TEX2: variants seen among roughly 807,000 people sequenced by gnomAD.
TEX2 encodes the protein testis-expressed protein 2.
TEX2 carries 53 observed loss-of-function variants against 106.9 expected under a neutral mutation model. The observed-to-expected ratio is 0.50, with a 90% CI of 0.40 to 0.62. TEX2 has a LOEUF of 0.62. Ranked by LOEUF, TEX2 falls within the 20% of genes least tolerant of loss-of-function variation. The probability of loss-of-function intolerance (pLI) is 0.00; values close to 1 mark genes in which losing one functional copy is unlikely to be tolerated. For synonymous variants in TEX2, 523 were observed against 534.8 expected (o/e 0.98, Z 0.30); for missense variants, 1,207 against 1,379.0 (o/e 0.88, Z 1.98).
At chr17:64,196,571 G>A (rs533213938) in intron 2 of TEX2, among the ~76,000 whole-genome samples, 1 of 152,264 alleles carries the variant, frequency 6.6e-6, no homozygotes, top group South Asian at 2.1e-4. Context: ...GGGAAGAGGC[G>A]TTTGTGAGGA....
rs1486274699 is a variant in TEX2 at position 64,173,882 on chromosome 17, G to A, written c.2572-2683C>T. Among the ~76,000 whole-genome samples the A allele has an allele frequency of 2.6e-5, 4 of 151,844 alleles. No individual in the cohort carries two copies. In the East Asian group the frequency reaches 7.7e-4, roughly 29 times the overall value. On this transcript the variant is annotated intron_variant, in intron 6 of 11. Transcript: ENST00000584379. ...TTTTTTTGAAACAGGATTTCGCTCTGTCACTCAGGCTGGAGTGCAGTGGTG... is the reference window on the plus strand; with the variant it reads ...TTTTTTTGAAACAGGATTTCGCTCTATCACTCAGGCTGGAGTGCAGTGGTG...
chr17:64,193,820 G>A lies in TEX2; in HGVS notation c.1915C>T (p.Leu639Phe). 1 of 1,602,912 alleles carries A rather than the reference G, an allele frequency of 6.2e-7. No individual in the cohort carries two copies. Among genetic ancestry groups the A allele is most frequent in the Non-Finnish European group, 8.5e-7 (1 of 1,172,726 alleles). Residue 639 changes from leucine (L) to phenylalanine (F), a missense_variant, in exon 4 of 12, where the codon CTT (leucine) becomes TTT (phenylalanine). Physicochemically the swap from Leu to Phe is conservative, Grantham distance 22. Coordinates refer to ENST00000584379, the MANE Select transcript of TEX2 (RefSeq NM_001288732.2). ...WNKKYPICIE[L>F]GQQDDFMSKA... ...GACATAAAGTCATCTTGCTGACCAA[G>A]CTCGATACAAATGGGGTACTTTTTA...
intron 5 of TEX2, among the ~76,000 whole-genome samples, chr17:64,184,908 G>A (rs1260614098): frequency 1.3e-5 from 2 of 152,066 alleles, no homozygotes; most frequent in Non-Finnish European, 2.9e-5. Context: ...TTTTTAAATT[G>A]GATATATAGC....
In TEX2 at chr17:64,188,065, A is replaced by T. The variant is rs563150024; in HGVS notation, c.2424+103T>A. The stretch of plus-strand genomic sequence containing the variant: ...AGGGTCCTTCTCTGTCTTGTGTACC[A>T]CTGTTATCCCAGTGCCCACAACAGG... On this transcript the variant is annotated intron_variant, in intron 5 of 11. Coordinates refer to ENST00000584379, the MANE Select transcript of TEX2 (RefSeq NM_001288732.2). The T allele has an allele frequency of 1.3e-4, 172 of 1,346,372 alleles. 1 individual carries two copies. The Middle Eastern group carries it at 2.4e-3, about 19-fold the overall frequency. The allele number at this position is 1,346,372 out of a possible 1,614,324, so 83.4% of individuals were successfully genotyped here.
rs573773555 is a variant in TEX2 at position 64,240,406 on chromosome 17, C to T, written c.-26+22762G>A. Among the ~76,000 whole-genome samples, 6 of 152,250 alleles carry T rather than the reference C, an allele frequency of 3.9e-5. No individual in the cohort carries two copies. The South Asian group carries it at 1.2e-3, about 32-fold the overall frequency. On this transcript the variant is annotated intron_variant, in intron 1 of 11. Coordinates refer to ENST00000584379, the MANE Select transcript of TEX2 (RefSeq NM_001288732.2). ...ACTGGGCAAGGTGACTGAGGGGACA[C>T]TGAAGAGGAAGAGGGTGGAGGTGGA...
intron 7 of TEX2, among the ~76,000 whole-genome samples, chr17:64,165,372 C>A (rs1183575812): frequency 6.6e-6 from 1 of 152,220 alleles, no homozygotes; most frequent in African/African-American, 2.4e-5. Flanking sequence ...GGTTGACAAG[C>A]TGCAAATCAG....
At chr17:64,152,899 T>C (rs374323047) in intron 10 of TEX2, 46 bp downstream of exon 10, 156 of 1,568,716 alleles carry the variant, frequency 9.9e-5, no homozygotes, top group Non-Finnish European at 1.2e-4. Context: ...TCTGTGGCCA[T>C]GCAATAGGAG....
At chr17:64,218,567 C>T (rs1223644055) in intron 1 of TEX2, among the ~76,000 whole-genome samples, 2 of 151,986 alleles carry the variant, frequency 1.3e-5, no homozygotes, top group African/African-American at 2.4e-5. Flanking sequence ...TACAGACGCC[C>T]GCCACCACAC....
rs190710329 is a variant in TEX2, at chr17:64,175,655, T to C, written c.2571+1670A>G. ...AGGCTGGAGTTTGGTGGTGCGATCA[T>C]AGCTCAGAACTCCTGGGTTCAAGTC... is the stretch of plus-strand genomic sequence containing the variant. On this transcript the variant is annotated intron_variant, in intron 6 of 11. Coordinates refer to ENST00000584379, the MANE Select transcript of TEX2 (RefSeq NM_001288732.2). 6.6e-5 allele frequency among the ~76,000 whole-genome samples: 10 copies of C among 152,240 alleles called. No homozygotes were observed. In the East Asian group the frequency reaches 1.4e-3, roughly 21 times the overall value.
intron 11 of TEX2, chr17:64,150,571 C>T: frequency 4.5e-6 from 1 of 220,156 alleles, no homozygotes; most frequent in Non-Finnish European, 8.9e-6. Context: ...GGCAGGCTTG[C>T]TGGGAAAAGA....
At chr17:64,228,929 T>TGTACACACACAC (rs531528606) in intron 1 of TEX2, among the ~76,000 whole-genome samples, 12 of 146,648 alleles carry the variant, frequency 8.2e-5, no homozygotes, top group African/African-American at 2.5e-4. Context: ...GACTGACAGG[T>TGTACACACACAC]ACACACACAC....
At chr17:64,178,777 T>C (rs939895956) in intron 5 of TEX2, among the ~76,000 whole-genome samples, 3 of 152,236 alleles carry the variant, frequency 2.0e-5, no homozygotes, top group South Asian at 2.1e-4. Context: ...GCTGCAGCTA[T>C]AACACACACC....
chr17:64,200,104 TAA>T, intron 2 of TEX2, among the ~76,000 whole-genome samples: 1 of 152,354 alleles, frequency 6.6e-6, no homozygotes, highest in East Asian at 1.9e-4. Context: ...GAAATATTAA[TAA>T]GAGTATTCTA....
At chr17:64,212,490 A>G (rs2033032290) in intron 2 of TEX2, 84 bp downstream of exon 2, 1 of 1,325,592 alleles carries the variant, frequency 7.5e-7, no homozygotes, top group African/African-American at 1.5e-5. Context: ...AATCTTTAAC[A>G]GCTAACCAAA....
intron 1 of TEX2, among the ~76,000 whole-genome samples, chr17:64,259,766 T>C (rs2034255605): frequency 6.6e-6 from 1 of 152,214 alleles, no homozygotes; most frequent in African/African-American, 2.4e-5. Flanking sequence ...GTGATCTCAT[T>C]TAATTCTTAC....
At chr17:64,255,885 T>C (rs1367414367) in intron 1 of TEX2, 1 of 152,106 alleles carries the variant, frequency 6.6e-6, no homozygotes, top group South Asian at 2.1e-4. Flanking sequence ...TCTCCTCTTA[T>C]CAGGAAAAAA....
At chr17:64,186,464 C>T (rs181602437) in intron 5 of TEX2, among the ~76,000 whole-genome samples, 4 of 152,278 alleles carry the variant, frequency 2.6e-5, no homozygotes, top group South Asian at 4.1e-4. Context: ...AGAGGATCAA[C>T]GGATCAAGAG....
Position 64,154,885 on chromosome 17 carries a change from C to G in TEX2, c.2887G>C (p.Glu963Gln). Reference protein sequence around the residue: ...AGSSEEDDAPEPSGGDKQLLP... With the variant: ...AGSSEEDDAPQPSGGDKQLLP... ...AGCTGTTTGTCTCCCCCGCTGGGCT[C>G]TGGGGCATCGTCTTCCTCGGAGGAG... Residue 963 changes from glutamate (E) to glutamine (Q), a missense_variant, in exon 9 of 12, where the codon GAG becomes CAG. Physicochemically the swap from Glu to Gln is conservative, Grantham distance 29. Transcript: ENST00000584379. 6.2e-7 allele frequency: 1 copy of G among 1,609,336 alleles called. No individual in the cohort carries two copies.
At chr17:64,191,082 C>A (rs2032279551) in intron 4 of TEX2, among the ~76,000 whole-genome samples, 1 of 152,168 alleles carries the variant, frequency 6.6e-6, no homozygotes, top group African/African-American at 2.4e-5. Flanking sequence ...TTTAATCACA[C>A]TTTTGGTGGC....
Sources: allele counts gnomAD v4.1 joint callset (sites outside exome capture counted in the v4.1 genomes callset), GRCh38; gene constraint gnomAD v4.1.1; transcripts MANE v1.5; gene names NCBI Gene and HGNC (gene_info 2026-07-23, HGNC 2026-07-21).